Variants in ZBTB25 observed in about 807,000 individuals in gnomAD.
ZBTB25 encodes zinc finger and BTB domain containing 25.
A neutral mutation model predicts 34.2 loss-of-function variants in ZBTB25; 20 were observed. The observed-to-expected ratio is 0.58, with a 90% CI of 0.41 to 0.85. The LOEUF (loss-of-function observed/expected upper bound fraction) is 0.85, where lower values mean the gene tolerates loss of function less well. Ranked by LOEUF, ZBTB25 falls within the 40% of genes least tolerant of loss-of-function variation. ZBTB25 has a pLI of 0.00. For synonymous variants in ZBTB25, 175 were observed against 186.4 expected, an observed-to-expected ratio of 0.94 and a Z score of 0.50; for missense variants, 437 against 521.8, an observed-to-expected ratio of 0.84 and a Z score of 1.58.
At chr14:64,474,932 T>C (rs1266443913), downstream of ZBTB25, among the ~76,000 whole-genome samples, 1 of 152,206 alleles carries the variant, frequency 6.6e-6, no homozygotes, top group African/African-American at 2.4e-5. Flanking sequence ...ACTGATTTCA[T>C]TTTGGTAATG....
At chr14:64,504,842 G>A (rs1192797911), upstream of ZBTB25, 1 of 395,228 alleles carries the variant, frequency 2.5e-6, no homozygotes, top group Non-Finnish European at 4.5e-6. Flanking sequence ...GCCGCGCGCC[G>A]CCGCCACTGC....
At chr14:64,496,300 T>C (rs1266841436) in intron 1 of ZBTB25, among the ~76,000 whole-genome samples, 1 of 151,704 alleles carries the variant, frequency 6.6e-6, no homozygotes, top group Non-Finnish European at 1.5e-5. Flanking sequence ...CTGGCCAACA[T>C]GGTGAAACCC....
intron 2 of ZBTB25, chr14:64,458,081 G>T: frequency 1.3e-6 from 1 of 767,134 alleles, no homozygotes; most frequent in South Asian, 1.4e-5. Context: ...GTAGAGATGG[G>T]GGTCTCACTA....
In ZBTB25 at chr14:64,454,667, C is replaced by T. The variant is rs576617177; in HGVS notation, c.174-5029G>A. On this transcript the variant is annotated intron_variant, in intron 2 of 2. Coordinates refer to the ZBTB25 transcript ENST00000555220. ...CATGTAATCACAGGGCCCAGATGGTCATTGCTGGGTTGTCATCTTTTCATT... is the reference window on the plus strand; with the variant it reads ...CATGTAATCACAGGGCCCAGATGGTTATTGCTGGGTTGTCATCTTTTCATT... 5.4e-5 allele frequency: 78 copies of T among 1,449,108 alleles called. No individual in the cohort carries two copies. The South Asian group carries it at 7.8e-4, about 14-fold the overall frequency. The allele number at this position is 1,449,108 out of a possible 1,614,324, so 89.8% of individuals were successfully genotyped here.
intron 1 of ZBTB25, among the ~76,000 whole-genome samples, chr14:64,497,114 A>G (rs1286339725): frequency 6.6e-6 from 1 of 152,194 alleles, no homozygotes; most frequent in Non-Finnish European, 1.5e-5. Context: ...TGTTGAATCA[A>G]ATAAGGGAGT....
At chr14:64,505,180 A>G (rs1035498080), upstream of ZBTB25, 23 of 328,552 alleles carry the variant, frequency 7.0e-5, no homozygotes, top group Admixed American at 2.5e-4. Context: ...CGAAGCCCCT[A>G]CGGAGACTAG....
At chr14:64,458,570 A>G (rs577222665) in intron 2 of ZBTB25, 64 of 494,754 alleles carry the variant, frequency 1.3e-4, no homozygotes, top group Non-Finnish European at 2.0e-4. Flanking sequence ...CTGCTGTCCA[A>G]TAAACTACAG....
At chr14:64,471,833 A>G (rs1347614403) in intron 2 of ZBTB25, 1 of 167,020 alleles carries the variant, frequency 6.0e-6, no homozygotes, top group Non-Finnish European at 1.5e-5. Context: ...TATGGATTGC[A>G]TATAGAAAGT....
At chr14:64,501,284 T>C (rs1028020771) in intron 1 of ZBTB25, among the ~76,000 whole-genome samples, 1 of 152,186 alleles carries the variant, frequency 6.6e-6, no homozygotes, top group East Asian at 1.9e-4. Context: ...CACTATCTCT[T>C]AAAATCGTCA....
chr14:64,455,270 G>T, intron 2 of ZBTB25: 1 of 212,702 alleles, frequency 4.7e-6, no homozygotes, highest in Admixed American at 5.2e-5. Context: ...TAGGGACAGA[G>T]GTTTTACTGA....
intron 2 of ZBTB25, chr14:64,469,065 A>C: frequency 6.2e-7 from 1 of 1,614,154 alleles, no homozygotes; most frequent in Non-Finnish European, 8.5e-7. Flanking sequence ...TCTGCTATTC[A>C]AACGGGAACT....
At chr14:64,505,200 T>C (rs991234596), upstream of ZBTB25, 1 of 312,740 alleles carries the variant, frequency 3.2e-6, no homozygotes, top group Admixed American at 5.0e-5. Flanking sequence ...GTTCCCAAAT[T>C]AGTTACCTTC....
intron 2 of ZBTB25, among the ~76,000 whole-genome samples, chr14:64,465,303 C>T (rs1285988913): frequency 6.6e-6 from 1 of 151,918 alleles, no homozygotes; most frequent in African/African-American, 2.4e-5. Context: ...TGGAGATTGG[C>T]GCCCGGGCGG....
In ZBTB25 at chr14:64,488,216, T is replaced by C. The variant is rs570060622; in HGVS notation, c.174-159A>G. ...GGCAACAAAGGCTTAAACTTTCATT[T>C]TATACCAACTTTATGGCCTAGCAAA... On this transcript the variant is annotated intron_variant, in intron 2 of 2. Coordinates refer to ENST00000608382, the MANE Select transcript of ZBTB25 (RefSeq NM_006977.5). 2.2e-4 allele frequency among the ~76,000 whole-genome samples: 33 copies of C among 152,286 alleles called. No individual in the cohort carries two copies. The South Asian group carries it at 6.6e-3, about 31-fold the overall frequency.
downstream of ZBTB25, among the ~76,000 whole-genome samples, chr14:64,477,071 C>G (rs2078726994): frequency 6.6e-6 from 1 of 152,214 alleles, no homozygotes; most frequent in African/African-American, 2.4e-5. Flanking sequence ...AAATCTTATT[C>G]TGATTTCTAT....
At chr14:64,498,485 A>G (rs2140018434) in intron 1 of ZBTB25, among the ~76,000 whole-genome samples, 1 of 150,720 alleles carries the variant, frequency 6.6e-6, no homozygotes, top group South Asian at 2.1e-4. Context: ...TAATTTTTAT[A>G]TTTTTAGTAG....
At chr14:64,460,063 T>C (rs1383956600) in intron 2 of ZBTB25, 1 of 752,624 alleles carries the variant, frequency 1.3e-6, no homozygotes, top group Admixed American at 2.8e-5. Flanking sequence ...GTCTCTGCCA[T>C]CCTTTGTGAG....
intron 1 of ZBTB25, among the ~76,000 whole-genome samples, chr14:64,498,811 T>A (rs577872141): frequency 6.6e-6 from 1 of 152,002 alleles, no homozygotes; most frequent in African/African-American, 2.4e-5. Flanking sequence ...TTTTTTTGTA[T>A]TTTTAGTCGA....
chr14:64,490,356 C>T lies in ZBTB25; in HGVS notation c.173+5G>A. 4 of 1,575,198 alleles carry T rather than the reference C, an allele frequency of 2.5e-6. No individual in the cohort carries two copies. The highest frequency in any genetic ancestry group is 3.5e-6 in the Non-Finnish European group (4 of 1,156,916). Reference sequence around the variant, plus strand: ...AAATTCTTATTTACAAAAACACATCCTTACCTTGTTTGGTGAATAAATATC... The same window carrying T: ...AAATTCTTATTTACAAAAACACATCTTTACCTTGTTTGGTGAATAAATATC... On this transcript the variant is annotated splice_donor_5th_base_variant and intron_variant, in intron 2 of 2. Coordinates refer to ENST00000608382, the MANE Select transcript of ZBTB25 (RefSeq NM_006977.5).
Sources: allele counts gnomAD v4.1 joint callset (sites outside exome capture counted in the v4.1 genomes callset), GRCh38; gene constraint gnomAD v4.1.1; transcripts MANE v1.5; gene names NCBI Gene and HGNC (gene_info 2026-07-23, HGNC 2026-07-21).